Variants in ZNF207 observed in about 807,000 individuals in gnomAD.
ZNF207 encodes zinc finger protein 207.
In ZNF207, 24 loss-of-function variants were observed where a neutral mutation model predicts 60.2. The observed-to-expected ratio is 0.40, with a 90% CI of 0.29 to 0.56. The LOEUF (loss-of-function observed/expected upper bound fraction) is 0.56, where lower values mean the gene tolerates loss of function less well. Among genes scored for constraint, ZNF207 ranks in the 20% least tolerant of loss-of-function variants. The probability of loss-of-function intolerance (pLI) is 0.49; values close to 1 mark genes in which losing one functional copy is unlikely to be tolerated. For synonymous variants in ZNF207, 236 were observed against 194.7 expected, an observed-to-expected ratio of 1.21 and a Z score of -1.77; for missense variants, 452 against 636.6, an observed-to-expected ratio of 0.71 and a Z score of 3.12.
chr17:32,368,998 CGTCTCAAAAAAAAA>C (rs915675540), intron 10 of ZNF207: 4 of 244,358 alleles, frequency 1.6e-5, no homozygotes, highest in Non-Finnish European at 3.2e-5. Context: ...AGTGAAACCC[CGTCTCAAAAAAAAA>C]AAGAATGTTA....
At chr17:32,361,148 G>A in intron 5 of ZNF207, 181 bp downstream of exon 5, 1 of 704,952 alleles carries the variant, frequency 1.4e-6, no homozygotes. Context: ...TTGCCTCTGA[G>A]TAATAGATTT....
rs187209093 is a variant in ZNF207 at position 32,359,061 on chromosome 17, G to A, written c.307+420G>A. On this transcript the variant is annotated intron_variant, in intron 3 of 11. Transcript: ENST00000394670. ...GTGGTGATTTGCCCACTTTTGCCTC[G>A]CAAAGTGCTGGGATTACAGGCGCAA... Among the ~76,000 whole-genome samples the A allele has an allele frequency of 1.3e-4, 20 of 151,702 alleles. No homozygotes were observed. The East Asian group carries it at 3.7e-3, about 28-fold the overall frequency.
chr17:32,381,130 T>TA lies in ZNF207; in HGVS notation c.*11372dup, dbSNP rs1276706749. 1.3e-5 allele frequency: 2 copies of TA among 152,322 alleles called. No homozygotes were observed. The highest frequency in any genetic ancestry group is 4.8e-5 in the African/African-American group (2 of 41,570). 9.4% of individuals were successfully genotyped at this position (152,322 alleles called of 1,614,324 possible). On this transcript the variant is annotated 3_prime_UTR_variant, in exon 12 of 12. Transcript: ENST00000394670. ...GTCCATTTATTTCCAAACTAGTCTGTAGTGGTTTAGAGTAAGCATTATTTT... is the reference window on the plus strand; with the variant it reads ...GTCCATTTATTTCCAAACTAGTCTGTAAGTGGTTTAGAGTAAGCATTATTTT...
chr17:32,377,577 G>T lies in ZNF207; in HGVS notation c.*7818G>T, dbSNP rs1205613330. ...GTTGAATTAAAAACTTTTAAAAATTGCTTGTCTTTGGGGGTATGTCTACAT... is the reference window on the plus strand; with the variant it reads ...GTTGAATTAAAAACTTTTAAAAATTTCTTGTCTTTGGGGGTATGTCTACAT... On this transcript the variant is annotated 3_prime_UTR_variant, in exon 12 of 12. Coordinates refer to ENST00000394670, the MANE Select transcript of ZNF207 (RefSeq NM_001098507.2). 6.6e-6 allele frequency: 1 copy of T among 151,890 alleles called. No individual in the cohort carries two copies. Among genetic ancestry groups the T allele is most frequent in the East Asian group, 1.9e-4 (1 of 5,196 alleles). The allele number at this position is 151,890 out of a possible 1,614,324, so 9.4% of individuals were successfully genotyped here.
In ZNF207 at chr17:32,360,947, T is replaced by A; in HGVS notation, c.531T>A (p.Val177=). 1 of 1,613,630 alleles carries A rather than the reference T, an allele frequency of 6.2e-7. No individual in the cohort carries two copies. The highest frequency in any genetic ancestry group is 8.5e-7 in the Non-Finnish European group (1 of 1,179,980). The part of the protein sequence containing the change: ...VPPLMPGMPP[V]MPGMPPGLHH... ...CTCTGATGCCAGGAATGCCACCAGT[T>A]ATGCCAGGCATGCCACCTGGGTAAG... The change falls in exon 5 of 12, where the codon GTT becomes GTA. Residue 177 remains valine, a synonymous_variant. Transcript: ENST00000394670.
Position 32,368,276 on chromosome 17 carries a change from C to G in ZNF207, c.1164+262C>G, listed in dbSNP as rs116235062. ...AAGACAGTAAGTCAGGTTCTTAACT[C>G]TCTTAAAAATCATTTTAGTTAAACA... On this transcript the variant is annotated intron_variant, in intron 10 of 11. Transcript: ENST00000394670. 925 of 461,574 alleles carry G rather than the reference C, an allele frequency of 2.0e-3. 7 individuals carry two copies. The highest frequency in any genetic ancestry group is 0.016 in the African/African-American group (836 of 51,214). 28.6% of individuals were successfully genotyped at this position (461,574 alleles called of 1,614,324 possible).
rs889158643 is a variant in ZNF207, at chr17:32,377,852, T to G, written c.*8093T>G. 1 of 152,382 alleles carries G rather than the reference T, an allele frequency of 6.6e-6. No homozygotes were observed. The highest frequency in any genetic ancestry group is 1.5e-5 in the Non-Finnish European group (1 of 67,854). The allele number at this position is 152,382 out of a possible 1,614,324, so 9.4% of individuals were successfully genotyped here. On this transcript the variant is annotated 3_prime_UTR_variant, in exon 12 of 12. Transcript: ENST00000394670. ...AGGCTCTGAGGAAATTTAATGCACA[T>G]TGACTTTTTAAACTATGGATTGAAC...
intron 7 of ZNF207, 36 bp from the exon 8 acceptor site, chr17:32,365,293 CA>C (rs1905108704): frequency 1.3e-6 from 2 of 1,583,208 alleles, no homozygotes; most frequent in African/African-American, 2.7e-5. Flanking sequence ...CTAAATTTTT[CA>C]GTGACTCAAT....
rs768477954 is a variant in ZNF207, at chr17:32,350,338, C to T, written c.41+12C>T. On this transcript the variant is annotated intron_variant, in intron 1 of 11. Coordinates refer to ENST00000394670, the MANE Select transcript of ZNF207 (RefSeq NM_001098507.2). Reference sequence around the variant, plus strand: ...AAGCCGTGGTGCTGGTATCCTTTGTCGGTTTGAAGTCGAGGTCGCGTTGGG... The same window carrying T: ...AAGCCGTGGTGCTGGTATCCTTTGTTGGTTTGAAGTCGAGGTCGCGTTGGG... 5.0e-6 allele frequency: 8 copies of T among 1,613,876 alleles called. No individual in the cohort carries two copies. The East Asian group carries it at 1.6e-4, about 31-fold the overall frequency.
At position 32,373,184 on chromosome 17, in the gene ZNF207, T is replaced by C. The variant is rs1364514133; in HGVS notation, c.*3425T>C. The C allele has an allele frequency of 9.5e-6, 4 of 423,250 alleles. No homozygotes were observed. The highest frequency in any genetic ancestry group is 2.1e-5 in the African/African-American group (1 of 47,596). The allele number at this position is 423,250 out of a possible 1,614,324, so 26.2% of individuals were successfully genotyped here. A position where few individuals can be genotyped will look rare whatever the true frequency, so the allele number is the denominator to read the frequency against. On this transcript the variant is annotated 3_prime_UTR_variant, in exon 12 of 12. Transcript: ENST00000394670. ...ACTAAGTTACATTTTGAACTTAGAC[T>C]CACCTTAATTAAACTTAATTAATTG... is the stretch of plus-strand genomic sequence containing the variant.
chr17:32,357,307 T>C (rs1333182751), intron 2 of ZNF207, among the ~76,000 whole-genome samples: 2 of 142,212 alleles, frequency 1.4e-5, no homozygotes, highest in East Asian at 3.9e-4. Context: ...AAATTTGCTA[T>C]TCTAATTATT....
At position 32,370,616 on chromosome 17, in the gene ZNF207, C is replaced by T. The variant is rs1597796080; in HGVS notation, c.*857C>T. 2 of 152,162 alleles carry T rather than the reference C, an allele frequency of 1.3e-5. No homozygotes were observed. The highest frequency in any genetic ancestry group is 1.3e-4 in the Admixed American group (2 of 15,276). The allele number at this position is 152,162 out of a possible 1,614,324, so 9.4% of individuals were successfully genotyped here. On this transcript the variant is annotated 3_prime_UTR_variant, in exon 12 of 12. Transcript: ENST00000394670. The stretch of plus-strand genomic sequence containing the variant: ...TATGAAATCTTTATAATCACCCTTC[C>T]ACCCTCTATGGTGTCAGTACACATC...
intron 7 of ZNF207, among the ~76,000 whole-genome samples, chr17:32,364,610 G>A (rs746899459): frequency 5.3e-5 from 8 of 151,382 alleles, no homozygotes; most frequent in Non-Finnish European, 1.2e-4. Context: ...CATCTGCCTC[G>A]GCCTCCCAAA....
chr17:32,378,741 C>G lies in ZNF207; in HGVS notation c.*8982C>G, dbSNP rs1905771800. The stretch of plus-strand genomic sequence containing the variant: ...CGAGTTCATTGTTGTTTGAACCATC[C>G]TCTAAAGATTTCCTTTAACCTCTAA... On this transcript the variant is annotated 3_prime_UTR_variant, in exon 12 of 12. Transcript: ENST00000394670. The G allele has an allele frequency of 1.3e-5, 2 of 151,866 alleles. No individual in the cohort carries two copies. Among genetic ancestry groups the G allele is most frequent in the Admixed American group, 1.3e-4 (2 of 15,234 alleles). The allele number at this position is 151,866 out of a possible 1,614,324, so 9.4% of individuals were successfully genotyped here.
At chr17:32,367,270 T>A (rs1387313315) in intron 9 of ZNF207, among the ~76,000 whole-genome samples, 2 of 121,680 alleles carry the variant, frequency 1.6e-5, no homozygotes, top group African/African-American at 6.4e-5. Context: ...TATATATATA[T>A]ATATATATAT....
At chr17:32,365,221 A>T in intron 7 of ZNF207, 109 bp from the exon 8 acceptor site, 3 of 1,204,356 alleles carry the variant, frequency 2.5e-6, no homozygotes, top group Non-Finnish European at 3.5e-6. Context: ...CCTTGGATTT[A>T]GTCGAGTCAT....
Position 32,360,653 on chromosome 17 carries a change from T to C in ZNF207, c.363T>C (p.Ser121=), listed in dbSNP as rs771447193. 1 of 1,614,124 alleles carries C rather than the reference T, an allele frequency of 6.2e-7. No homozygotes were observed. Among genetic ancestry groups the C allele is most frequent in the Admixed American group, 1.7e-5 (1 of 60,012 alleles). The change falls in exon 4 of 12, where the codon TCT becomes TCC. Residue 121 remains serine, a synonymous_variant. Transcript: ENST00000394670. The part of the protein sequence containing the change: ...DDSDEYDDDD[S]AASTSFQPQP... Reference sequence around the variant, plus strand: ...CTGATGAATATGATGATGACGACTCTGCAGCCTCAACTTCATTTCAGCCAC... The same window carrying C: ...CTGATGAATATGATGATGACGACTCCGCAGCCTCAACTTCATTTCAGCCAC...
Position 32,370,193 on chromosome 17 carries a change from C to T in ZNF207, c.*434C>T, listed in dbSNP as rs964430888. 6.5e-6 allele frequency: 1 copy of T among 153,522 alleles called. No individual in the cohort carries two copies. Among genetic ancestry groups the T allele is most frequent in the African/African-American group, 2.4e-5 (1 of 41,456 alleles). 9.5% of individuals were successfully genotyped at this position (153,522 alleles called of 1,614,324 possible). Reference sequence around the variant, plus strand: ...GCTTGGTGAGGGCTGTAACTGTTTCCAAGTACTTGTACATTGGAAGTCTGA... The same window carrying T: ...GCTTGGTGAGGGCTGTAACTGTTTCTAAGTACTTGTACATTGGAAGTCTGA... On this transcript the variant is annotated 3_prime_UTR_variant, in exon 12 of 12. Coordinates refer to ENST00000394670, the MANE Select transcript of ZNF207 (RefSeq NM_001098507.2).
At chr17:32,356,158 T>C (rs774716219) in intron 2 of ZNF207, among the ~76,000 whole-genome samples, 20 of 152,220 alleles carry the variant, frequency 1.3e-4, no homozygotes, top group Non-Finnish European at 2.2e-4. Context: ...GGTGGTTCCC[T>C]GCAGTTTCTC....
Sources: allele counts gnomAD v4.1 joint callset (sites outside exome capture counted in the v4.1 genomes callset), GRCh38; gene constraint gnomAD v4.1.1; transcripts MANE v1.5; gene names NCBI Gene and HGNC (gene_info 2026-07-23, HGNC 2026-07-21).